CDH13: variants seen among roughly 807,000 people sequenced by gnomAD.
CDH13 encodes cadherin-13.
In CDH13, 24 loss-of-function variants were observed where a neutral mutation model predicts 63.8. The observed-to-expected ratio is 0.38, with a 90% confidence interval of 0.27 to 0.53. The LOEUF (loss-of-function observed/expected upper bound fraction) is 0.53. CDH13 is among the 20% of genes least tolerant of loss of function. The probability of loss-of-function intolerance (pLI) is 0.85; values close to 1 mark genes in which losing one functional copy is unlikely to be tolerated. For missense variants in CDH13, 1,049 were observed against 903.1 expected (o/e 1.16, Z -2.07); for synonymous variants, 503 against 355.3 (o/e 1.42, Z -4.67).
At chr16:82,690,424 T>C (rs544339537) in intron 1 of CDH13, among the ~76,000 whole-genome samples, 25 of 152,294 alleles carry the variant, frequency 1.6e-4, no homozygotes, top group Admixed American at 1.2e-3. Flanking sequence ...CTAAGAGTCA[T>C]GTTCTCTGTG....
chr16:82,727,824 G>C (rs1300618538), intron 1 of CDH13: 3 of 152,158 alleles, frequency 2.0e-5, no homozygotes, highest in African/African-American at 7.2e-5. Flanking sequence ...CCCTACAATG[G>C]TGAGCAGACC....
rs186850776 is a variant in CDH13, at chr16:83,576,353, A to G, written c.961-26101A>G. Among the ~76,000 whole-genome samples, 48 of 152,196 alleles carry G rather than the reference A, an allele frequency of 3.2e-4. 1 individual carries two copies. Among genetic ancestry groups the G allele is most frequent in the Non-Finnish European group, 1.0e-4 (7 of 67,998 alleles). On this transcript the variant is annotated intron_variant, in intron 7 of 13. Transcript: ENST00000567109. ...ATGCATCAGTATTTCATCCCTTTTT[A>G]TGGCTGAATAATATTTTCTTGTATG... is the stretch of plus-strand genomic sequence containing the variant.
intron 5 of CDH13, among the ~76,000 whole-genome samples, chr16:83,265,704 T>A (rs1907526105): frequency 6.6e-6 from 1 of 151,416 alleles, no homozygotes; most frequent in African/African-American, 2.4e-5. Context: ...ATTCACCTGT[T>A]TTCTGTTGCT....
intron 1 of CDH13, among the ~76,000 whole-genome samples, chr16:82,721,972 G>C (rs2032803039): frequency 6.6e-6 from 1 of 152,124 alleles, no homozygotes; most frequent in Non-Finnish European, 1.5e-5. Context: ...CTTGAGTTCT[G>C]TGTCCCTACC....
intron 2 of CDH13, among the ~76,000 whole-genome samples, chr16:82,911,145 G>A (rs1006836238): frequency 1.1e-4 from 16 of 152,166 alleles, no homozygotes; most frequent in Non-Finnish European, 2.2e-4. Context: ...AGCTTTGAGC[G>A]TTCTCTCACT....
chr16:82,690,500 T>TA (rs1447281347), intron 1 of CDH13, among the ~76,000 whole-genome samples: 1 of 152,098 alleles, frequency 6.6e-6, no homozygotes, highest in East Asian at 1.9e-4. Context: ...AGCACACAAG[T>TA]TTGTAGATTA....
intron 1 of CDH13, among the ~76,000 whole-genome samples, chr16:82,717,766 TC>T (rs2032485441): frequency 6.6e-6 from 1 of 152,230 alleles, no homozygotes. Context: ...ATCTGCAATG[TC>T]TTTACCACAA....
chr16:82,969,980 C>A (rs905020522), intron 2 of CDH13, among the ~76,000 whole-genome samples: 4 of 151,616 alleles, frequency 2.6e-5, no homozygotes, highest in African/African-American at 9.7e-5. Context: ...GGTACGTGTG[C>A]AGAACTTGTA....
chr16:83,606,662 G>C (rs1419599644), intron 8 of CDH13, among the ~76,000 whole-genome samples: 1 of 149,894 alleles, frequency 6.7e-6, no homozygotes, highest in Non-Finnish European at 1.5e-5. Context: ...GGAAGGTCAA[G>C]ACAGCAGTGA....
In CDH13 at chr16:83,202,110, C is replaced by T. The variant is rs565601757; in HGVS notation, c.484-15235C>T. 1.6e-4 allele frequency among the ~76,000 whole-genome samples: 24 copies of T among 152,216 alleles called. No homozygotes were observed. The East Asian group carries it at 3.3e-3, about 21-fold the overall frequency. On this transcript the variant is annotated intron_variant, in intron 4 of 13. Transcript: ENST00000567109. Reference sequence around the variant, plus strand: ...TAGTGTCCCCTGAAAATGGCGGACTCGACTTTCAAGCTGGTAAGACTTCAA... The same window carrying T: ...TAGTGTCCCCTGAAAATGGCGGACTTGACTTTCAAGCTGGTAAGACTTCAA...
At chr16:82,884,195 C>G (rs1477596548) in intron 2 of CDH13, 2 of 455,898 alleles carry the variant, frequency 4.4e-6, no homozygotes, top group Admixed American at 2.4e-5. Flanking sequence ...ATGTATTCTA[C>G]TAGCTGACAG....
chr16:83,338,555 G>A (rs959221362), intron 5 of CDH13, among the ~76,000 whole-genome samples: 3 of 152,224 alleles, frequency 2.0e-5, no homozygotes, highest in African/African-American at 7.2e-5. Context: ...ACACCAATAG[G>A]TAATAACCCA....
chr16:83,344,342 T>A (rs2090791478), intron 5 of CDH13, among the ~76,000 whole-genome samples: 1 of 152,220 alleles, frequency 6.6e-6, no homozygotes, highest in South Asian at 2.1e-4. Flanking sequence ...TGGGCAGGAA[T>A]CCCGAGGTCT....
intron 11 of CDH13, among the ~76,000 whole-genome samples, chr16:83,773,352 A>C (rs780349528): frequency 1.3e-5 from 2 of 152,230 alleles, no homozygotes; most frequent in South Asian, 4.1e-4. Flanking sequence ...TTTATAAAGG[A>C]AAGAGGTTTA....
intron 4 of CDH13, among the ~76,000 whole-genome samples, chr16:83,154,858 T>G (rs2037141177): frequency 6.6e-6 from 1 of 152,170 alleles, no homozygotes. Flanking sequence ...TCAACCGGTT[T>G]TTCTGTAGCA....
chr16:83,728,506 C>T (rs1270836784), intron 10 of CDH13, among the ~76,000 whole-genome samples: 2 of 152,138 alleles, frequency 1.3e-5, no homozygotes, highest in Non-Finnish European at 2.9e-5. Context: ...ATTAAAGCTT[C>T]TGTTGGAAGA....
intron 1 of CDH13, chr16:82,829,596 A>G (rs1238739202): frequency 2.6e-5 from 4 of 152,028 alleles, no homozygotes; most frequent in South Asian, 2.1e-4. Context: ...AACCAGCTAT[A>G]TATTTCCTGC....
intron 1 of CDH13, among the ~76,000 whole-genome samples, chr16:82,691,388 C>A (rs550069447): frequency 1.3e-5 from 2 of 152,246 alleles, no homozygotes; most frequent in South Asian, 4.1e-4. Flanking sequence ...AAAATCCATA[C>A]CCAGGAAAAA....
At chr16:83,372,493 C>A (rs1183444714) in intron 6 of CDH13, among the ~76,000 whole-genome samples, 1 of 152,052 alleles carries the variant, frequency 6.6e-6, no homozygotes, top group East Asian at 1.9e-4. Context: ...GTGGCTCATG[C>A]CTGTTATCCT....
Sources: gnomAD v4.1 joint callset for allele counts (sites outside exome capture counted in the v4.1 genomes callset) on GRCh38, gnomAD v4.1.1 for gene constraint, MANE v1.5 for transcripts, NCBI Gene and HGNC (gene_info 2026-07-23, HGNC 2026-07-21) for gene names.